LIN28B: variants seen among roughly 807,000 people sequenced by gnomAD.
The protein encoded by LIN28B is protein lin-28 homolog B.
Under a neutral mutation model 21.9 loss-of-function variants are expected in LIN28B, and 5 were observed. That is an observed-to-expected ratio of 0.23 (90% CI 0.12 to 0.48). LIN28B has a LOEUF of 0.48. Ranked by LOEUF, LIN28B falls within the 20% of genes least tolerant of loss-of-function variation. The pLI is 0.98. For synonymous variants in LIN28B, 109 were observed against 111.3 expected (o/e 0.98, Z 0.13); for missense variants, 245 against 310.5 (o/e 0.79, Z 1.58).
chr6:104,989,337 G>C (rs987114398), intron 2 of LIN28B, among the ~76,000 whole-genome samples: 1 of 152,030 alleles, frequency 6.6e-6, no homozygotes, highest in African/African-American at 2.4e-5. Context: ...TCCTGCTTCA[G>C]CTTCCCAAGA....
intron 2 of LIN28B, among the ~76,000 whole-genome samples, chr6:104,991,049 A>G (rs573071496): frequency 3.3e-5 from 5 of 152,324 alleles, no homozygotes; most frequent in African/African-American, 7.2e-5. Context: ...CATCGTCATC[A>G]TGGCCCGTTC....
chr6:104,944,540 G>T (rs961131251), intron 2 of LIN28B, among the ~76,000 whole-genome samples: 1 of 151,890 alleles, frequency 6.6e-6, no homozygotes, highest in Non-Finnish European at 1.5e-5. Context: ...TAAAAAATAA[G>T]AATATAAATT....
At chr6:104,990,809 C>T (rs1261172642) in intron 2 of LIN28B, among the ~76,000 whole-genome samples, 1 of 152,164 alleles carries the variant, frequency 6.6e-6, no homozygotes, top group African/African-American at 2.4e-5. Context: ...CAAAGCGCAT[C>T]TTGCACCGCC....
chr6:105,038,922 A>G (rs1024842335), intron 3 of LIN28B, among the ~76,000 whole-genome samples: 15 of 152,226 alleles, frequency 9.9e-5, no homozygotes, highest in Non-Finnish European at 1.9e-4. Context: ...AGCATTGTGA[A>G]GAACGTTCCA....
At chr6:104,968,686 A>T (rs532457484) in intron 2 of LIN28B, among the ~76,000 whole-genome samples, 1 of 152,292 alleles carries the variant, frequency 6.6e-6, no homozygotes, top group African/African-American at 2.4e-5. Context: ...TTTGTTGGTG[A>T]TCATTTTCTT....
At chr6:105,063,488 T>G (rs181925358) in intron 3 of LIN28B, among the ~76,000 whole-genome samples, 94 of 152,096 alleles carry the variant, frequency 6.2e-4, no homozygotes, top group Non-Finnish European at 1.0e-3. Context: ...ATACAAAAAT[T>G]AGCTGGGCAT....
intron 2 of LIN28B, among the ~76,000 whole-genome samples, chr6:104,978,798 T>A (rs1770160337): frequency 6.6e-6 from 1 of 152,144 alleles, no homozygotes; most frequent in Non-Finnish European, 1.5e-5. Flanking sequence ...CTCCTTCTGA[T>A]CAAAACCCTG....
chr6:105,024,957 G>T (rs1350272561), intron 2 of LIN28B, among the ~76,000 whole-genome samples: 1 of 152,074 alleles, frequency 6.6e-6, no homozygotes, highest in Admixed American at 6.6e-5. Flanking sequence ...TTTTAGTTTT[G>T]TGGGAGTTGG....
intron 2 of LIN28B, among the ~76,000 whole-genome samples, chr6:105,010,474 A>G (rs952744317): frequency 6.6e-6 from 1 of 152,150 alleles, no homozygotes; most frequent in Non-Finnish European, 1.5e-5. Flanking sequence ...TATCTGTATC[A>G]AAGATATTTT....
chr6:105,002,755 C>G (rs1582889594), intron 2 of LIN28B, among the ~76,000 whole-genome samples: 1 of 152,134 alleles, frequency 6.6e-6, no homozygotes, highest in African/African-American at 2.4e-5. Flanking sequence ...TTTGTTTTTT[C>G]AAGTTGGACA....
At chr6:104,940,251 G>T in intron 2 of LIN28B, 1 of 168,168 alleles carries the variant, frequency 5.9e-6, no homozygotes. Context: ...CTTCAGATAT[G>T]ATTTTGTTAC....
intron 2 of LIN28B, among the ~76,000 whole-genome samples, chr6:104,992,883 T>G (rs1770524965): frequency 6.6e-6 from 1 of 152,130 alleles, no homozygotes; most frequent in Non-Finnish European, 1.5e-5. Context: ...TTTTTTTTAG[T>G]GGTGACACTG....
chr6:104,952,893 C>T (rs1778236034), upstream of LIN28B, among the ~76,000 whole-genome samples: 1 of 152,156 alleles, frequency 6.6e-6, no homozygotes, highest in Admixed American at 6.5e-5. Flanking sequence ...GAGCATTTTG[C>T]CTCCAGACAA....
At chr6:105,069,223 G>A (rs1772282068) in intron 3 of LIN28B, among the ~76,000 whole-genome samples, 1 of 151,856 alleles carries the variant, frequency 6.6e-6, no homozygotes, top group Non-Finnish European at 1.5e-5. Context: ...GTCTCAAAAA[G>A]CAAAACAAAA....
intron 2 of LIN28B, among the ~76,000 whole-genome samples, chr6:105,014,591 G>T (rs2114315160): frequency 1.3e-5 from 2 of 152,240 alleles, no homozygotes; most frequent in South Asian, 4.1e-4. Flanking sequence ...CTGAATGCTG[G>T]AATTACAGGC....
At chr6:104,977,393 C>T (rs936693244) in intron 2 of LIN28B, among the ~76,000 whole-genome samples, 1 of 152,194 alleles carries the variant, frequency 6.6e-6, no homozygotes, top group Non-Finnish European at 1.5e-5. Context: ...GCCAGAATTG[C>T]TTACTTCCTT....
chr6:105,063,635 C>CA (rs1185061793), intron 3 of LIN28B, among the ~76,000 whole-genome samples: 1 of 98,064 alleles, frequency 1.0e-5, no homozygotes, highest in Non-Finnish European at 2.1e-5. Context: ...GACTCCATCT[C>CA]GGGGGGGGGG....
chr6:105,023,715 G>A (rs1328087896), intron 2 of LIN28B, among the ~76,000 whole-genome samples: 9 of 121,822 alleles, frequency 7.4e-5, no homozygotes, highest in Non-Finnish European at 9.8e-5. Context: ...TTGGGGAGGG[G>A]GACATATATG....
intron 3 of LIN28B, among the ~76,000 whole-genome samples, chr6:105,039,421 A>G (rs1476035861): frequency 6.6e-6 from 1 of 152,194 alleles, no homozygotes; most frequent in East Asian, 1.9e-4. Flanking sequence ...TTAGAGCTAC[A>G]TCTCAAGGAT....
Sources: allele counts gnomAD v4.1 joint callset (sites outside exome capture counted in the v4.1 genomes callset), GRCh38; gene constraint gnomAD v4.1.1; transcripts MANE v1.5; gene names NCBI Gene and HGNC (gene_info 2026-07-23, HGNC 2026-07-21).